Variants in RPH3A observed in about 807,000 individuals in gnomAD.
RPH3A encodes the protein rabphilin 3A, also known as rabphilin-3A.
Under a neutral mutation model 102.2 loss-of-function variants are expected in RPH3A, and 48 were observed. The ratio of observed to expected loss-of-function variants is 0.47; its 90% CI spans 0.37 to 0.60. The LOEUF is 0.60. Ranked by LOEUF, RPH3A falls within the 20% of genes least tolerant of loss-of-function variation. The probability of loss-of-function intolerance (pLI) is 0.00; values close to 1 mark genes in which losing one functional copy is unlikely to be tolerated. For synonymous variants in RPH3A, 310 were observed against 324.3 expected, an observed-to-expected ratio of 0.96 and a Z score of 0.47; for missense variants, 781 against 910.1, an observed-to-expected ratio of 0.86 and a Z score of 1.83.
intron 1 of RPH3A, among the ~76,000 whole-genome samples, chr12:112,708,658 G>C (rs753902899): frequency 6.6e-6 from 1 of 152,114 alleles, no homozygotes; most frequent in African/African-American, 2.4e-5. Flanking sequence ...CTGTACTCTG[G>C]GAGGCAGCTT....
intron 10 of RPH3A, among the ~76,000 whole-genome samples, chr12:112,871,591 G>T (rs1056880630): frequency 6.6e-6 from 1 of 152,024 alleles, no homozygotes; most frequent in East Asian, 1.9e-4. Context: ...AGACCTTGAC[G>T]GTGACTTTGA....
At position 112,806,459 on chromosome 12, in the gene RPH3A, ACT is replaced by A. The variant is rs747339595; in HGVS notation, c.-19+14199_-19+14200del. On this transcript the variant is annotated intron_variant, in intron 2 of 21. Coordinates refer to ENST00000389385, the MANE Select transcript of RPH3A (RefSeq NM_001143854.2). ...AGACCAGTTTGGCCAACACGGTGAA[ACT>A]CTGTCTCTACTAAAAATGCAAAAAT... Among the ~76,000 whole-genome samples, 170 of 151,948 alleles carry A rather than the reference ACT, an allele frequency of 1.1e-3. 4 individuals carry two copies. Among genetic ancestry groups the A allele is most frequent in the Admixed American group, 3.3e-4 (5 of 15,246 alleles).
chr12:112,845,157 G>A (rs2042208893), intron 4 of RPH3A, among the ~76,000 whole-genome samples: 1 of 152,208 alleles, frequency 6.6e-6, no homozygotes, highest in Non-Finnish European at 1.5e-5. Context: ...ACTACACACA[G>A]GAGGGTATGA....
chr12:112,785,849 C>T (rs1190619459), intron 1 of RPH3A, among the ~76,000 whole-genome samples: 2 of 152,198 alleles, frequency 1.3e-5, no homozygotes, highest in Non-Finnish European at 2.9e-5. Flanking sequence ...TTTCCTCTTA[C>T]TTATGGTCAC....
At chr12:112,602,670 T>C (rs891539689) in intron 1 of RPH3A, among the ~76,000 whole-genome samples, 6 of 152,050 alleles carry the variant, frequency 3.9e-5, no homozygotes, top group Admixed American at 3.3e-4. Context: ...ATGCCTGTAA[T>C]CCCAGCTACT....
At chr12:112,591,681 G>A (rs1045541203) in intron 1 of RPH3A, 1 of 152,222 alleles carries the variant, frequency 6.6e-6, no homozygotes, top group Non-Finnish European at 1.5e-5. Context: ...TTGTTTTGGT[G>A]ATTTGTGCTC....
intron 1 of RPH3A, among the ~76,000 whole-genome samples, chr12:112,767,453 G>A (rs1293526769): frequency 6.6e-6 from 1 of 152,170 alleles, no homozygotes; most frequent in Non-Finnish European, 1.5e-5. Context: ...GAACTGCATG[G>A]CGTGGCATTC....
At chr12:112,672,805 C>T (rs79767777) in intron 1 of RPH3A, among the ~76,000 whole-genome samples, 3,072 of 152,236 alleles carry the variant, frequency 0.02, 105 homozygotes, top group African/African-American at 0.069. Context: ...CTGAAAGTCT[C>T]GCTTCCGAAG....
intron 1 of RPH3A, among the ~76,000 whole-genome samples, chr12:112,636,070 C>T (rs2039846916): frequency 6.6e-6 from 1 of 152,156 alleles, no homozygotes; most frequent in African/African-American, 2.4e-5. Flanking sequence ...ATATAGCAAT[C>T]TGGGTAAATA....
At chr12:112,700,777 TC>T (rs2040388165) in intron 1 of RPH3A, among the ~76,000 whole-genome samples, 3 of 152,184 alleles carry the variant, frequency 2.0e-5, no homozygotes, top group African/African-American at 7.2e-5. Context: ...TTCGCCTACC[TC>T]TTAAAAGTTG....
intron 2 of RPH3A, among the ~76,000 whole-genome samples, chr12:112,825,560 A>C (rs572684558): frequency 5.3e-4 from 80 of 152,088 alleles, no homozygotes; most frequent in Admixed American, 2.0e-3. Context: ...GGACCTTCAG[A>C]GGGGTGGGGT....
chr12:112,896,629 A>C, intron 21 of RPH3A, 21 bp from the exon 22 acceptor site: 1 of 1,613,796 alleles, frequency 6.2e-7, no homozygotes, highest in Admixed American at 1.7e-5. Context: ...ACCTGCTCCT[A>C]TCTTCCCATT....
At chr12:112,744,318 C>T (rs1199361915) in intron 1 of RPH3A, among the ~76,000 whole-genome samples, 1 of 152,122 alleles carries the variant, frequency 6.6e-6, no homozygotes, top group Non-Finnish European at 1.5e-5. Flanking sequence ...TCAAGTGATC[C>T]ACCTGCCTTG....
At chr12:112,812,313 G>A (rs1279842045) in intron 2 of RPH3A, among the ~76,000 whole-genome samples, 1 of 152,192 alleles carries the variant, frequency 6.6e-6, no homozygotes, top group African/African-American at 2.4e-5. Flanking sequence ...AGTACCAGGA[G>A]AATGAGGAAC....
At position 112,828,307 on chromosome 12, in the gene RPH3A, T is replaced by C. The variant is rs779185049; in HGVS notation, c.-12T>C. On this transcript the variant is annotated 5_prime_UTR_variant, in exon 3 of 22. Transcript: ENST00000389385. Reference sequence around the variant, plus strand: ...CTGGATTGATGTTTTCCAGGAGCACTAGACATCTACTATGACTGACACCGT... The same window carrying C: ...CTGGATTGATGTTTTCCAGGAGCACCAGACATCTACTATGACTGACACCGT... 7 of 1,609,704 alleles carry C rather than the reference T, an allele frequency of 4.3e-6. No homozygotes were observed. The South Asian group carries it at 7.7e-5, about 18-fold the overall frequency.
chr12:112,801,928 T>C (rs189801897), intron 2 of RPH3A, among the ~76,000 whole-genome samples: 1 of 152,358 alleles, frequency 6.6e-6, no homozygotes, highest in Non-Finnish European at 1.5e-5. Context: ...CAGTATGTTT[T>C]TAAGATCCAT....
chr12:112,879,806 C>T (rs1182133507), intron 14 of RPH3A, among the ~76,000 whole-genome samples: 1 of 152,182 alleles, frequency 6.6e-6, no homozygotes, highest in Admixed American at 6.5e-5. Context: ...AAGCCTGGTC[C>T]ACACAGAAAA....
chr12:112,841,304 G>C (rs1330770396), intron 4 of RPH3A, among the ~76,000 whole-genome samples: 1 of 151,938 alleles, frequency 6.6e-6, no homozygotes, highest in African/African-American at 2.4e-5. Flanking sequence ...TTAAGATGAG[G>C]GGGGCAGGGG....
chr12:112,667,660 TAAAGAGAGAGAG>T (rs1466800149), intron 1 of RPH3A, among the ~76,000 whole-genome samples: 14 of 82,820 alleles, frequency 1.7e-4, no homozygotes, highest in Admixed American at 2.8e-4. Flanking sequence ...CAGAGATGAA[TAAAGAGAGAGAG>T]AGAGAGAGAG....
Sources: allele counts gnomAD v4.1 joint callset (sites outside exome capture counted in the v4.1 genomes callset), GRCh38; gene constraint gnomAD v4.1.1; transcripts MANE v1.5; gene names NCBI Gene and HGNC (gene_info 2026-07-23, HGNC 2026-07-21).